Variants in ADGRL3 observed in about 807,000 individuals in gnomAD.
The protein encoded by ADGRL3 is calcium-independent alpha-latrotoxin receptor 3.
ADGRL3 carries 62 observed loss-of-function variants against 153.5 expected under a neutral mutation model. That is an observed-to-expected ratio of 0.40 (90% CI 0.33 to 0.50). The LOEUF (loss-of-function observed/expected upper bound fraction) is 0.50, where lower values mean the gene tolerates loss of function less well. Ranked by LOEUF, ADGRL3 falls within the 20% of genes least tolerant of loss-of-function variation. The pLI, the probability that ADGRL3 is intolerant of heterozygous loss-of-function variation, is 0.47. For missense variants in ADGRL3, 1,641 were observed against 1,859.4 expected, an observed-to-expected ratio of 0.88 and a Z score of 2.16; for synonymous variants, 710 against 672.5, an observed-to-expected ratio of 1.06 and a Z score of -0.86.
In ADGRL3 at chr4:61,832,495, A is replaced by G. The variant is rs544590153; in HGVS notation, c.1480+18606A>G. On this transcript the variant is annotated intron_variant, in intron 9 of 26. Coordinates refer to ENST00000683033, the MANE Select transcript of ADGRL3 (RefSeq NM_001387552.1). ...TCTTAGTCAGAAAAGGAAATTCTGC[A>G]GAAATCCCTTCCAGTGCTTCCAGAA... Among the ~76,000 whole-genome samples, 51 of 152,322 alleles carry G rather than the reference A, an allele frequency of 3.3e-4. No homozygotes were observed. The Middle Eastern group carries it at 0.014, about 41-fold the overall frequency.
chr4:62,013,685 C>T (rs1052648303), intron 21 of ADGRL3, among the ~76,000 whole-genome samples: 1 of 151,782 alleles, frequency 6.6e-6, no homozygotes, highest in African/African-American at 2.4e-5. Context: ...ATCAAGAGGT[C>T]GAGATCATTC....
intron 1 of ADGRL3, among the ~76,000 whole-genome samples, chr4:61,370,992 CT>C (rs1230298260): frequency 6.6e-6 from 1 of 151,096 alleles, no homozygotes; most frequent in Non-Finnish European, 1.5e-5. Context: ...TAATGGCCTT[CT>C]TTGTCTCTTT....
At chr4:61,639,620 A>C (rs1206297261) in intron 5 of ADGRL3, among the ~76,000 whole-genome samples, 1 of 152,128 alleles carries the variant, frequency 6.6e-6, no homozygotes, top group African/African-American at 2.4e-5. Flanking sequence ...TATTTAACTC[A>C]ATTAATACTT....
chr4:61,662,190 C>G (rs1356301459), intron 5 of ADGRL3, among the ~76,000 whole-genome samples: 1 of 152,184 alleles, frequency 6.6e-6, no homozygotes, highest in Non-Finnish European at 1.5e-5. Flanking sequence ...GCTGCGGCCT[C>G]CCAGCCATGG....
chr4:61,635,161 C>T lies in ADGRL3; in HGVS notation c.474-41665C>T, dbSNP rs377174111. The stretch of plus-strand genomic sequence containing the variant: ...GGAGAAGGGGAAGGAAAATTGAGAT[C>T]CCCCTTCCCATCATAGGTACATATG... On this transcript the variant is annotated intron_variant, in intron 5 of 26. Transcript: ENST00000683033. Among the ~76,000 whole-genome samples, 117 of 152,196 alleles carry T rather than the reference C, an allele frequency of 7.7e-4. 2 individuals are homozygous for T. Among genetic ancestry groups the T allele is most frequent in the African/African-American group, 2.8e-3 (116 of 41,530 alleles).
intron 2 of ADGRL3, among the ~76,000 whole-genome samples, chr4:61,432,262 T>C (rs1451424428): frequency 6.6e-6 from 1 of 152,228 alleles, no homozygotes; most frequent in Non-Finnish European, 1.5e-5. Flanking sequence ...AGCCTGGTTA[T>C]GACTATTCTC....
intron 1 of ADGRL3, among the ~76,000 whole-genome samples, chr4:61,326,466 A>G (rs907959012): frequency 2.0e-5 from 3 of 152,002 alleles, no homozygotes; most frequent in Non-Finnish European, 4.4e-5. Flanking sequence ...TATTACCCCT[A>G]ATAGTAGCTA....
At chr4:61,238,085 G>A (rs1342375245) in intron 1 of ADGRL3, among the ~76,000 whole-genome samples, 1 of 152,102 alleles carries the variant, frequency 6.6e-6, no homozygotes, top group Non-Finnish European at 1.5e-5. Context: ...TGTTGATTTT[G>A]CAGAAGATGT....
chr4:61,791,659 C>G (rs186824669), intron 8 of ADGRL3, among the ~76,000 whole-genome samples: 1 of 152,348 alleles, frequency 6.6e-6, no homozygotes, highest in Non-Finnish European at 1.5e-5. Flanking sequence ...TCCTTCTGCA[C>G]TGCCCTAGCA....
At chr4:61,854,427 A>G (rs2098240716) in intron 9 of ADGRL3, among the ~76,000 whole-genome samples, 2 of 152,336 alleles carry the variant, frequency 1.3e-5, no homozygotes, top group Admixed American at 1.3e-4. Context: ...TCAAAGTGAG[A>G]CAGGAGCAGT....
At chr4:61,669,288 T>A (rs2094912509) in intron 5 of ADGRL3, among the ~76,000 whole-genome samples, 1 of 152,180 alleles carries the variant, frequency 6.6e-6, no homozygotes, top group Non-Finnish European at 1.5e-5. Flanking sequence ...AGTTGTCTCA[T>A]CTTTTTTGGT....
intron 8 of ADGRL3, among the ~76,000 whole-genome samples, chr4:61,800,793 G>T (rs1363286145): frequency 6.6e-6 from 1 of 152,170 alleles, no homozygotes; most frequent in Non-Finnish European, 1.5e-5. Context: ...ATTCTGAAAA[G>T]ATTATCATGA....
chr4:61,560,949 T>C (rs994905125), intron 4 of ADGRL3, among the ~76,000 whole-genome samples: 1 of 152,084 alleles, frequency 6.6e-6, no homozygotes, highest in Non-Finnish European at 1.5e-5. Context: ...CGCTAATAAC[T>C]TGAAAAAGAT....
chr4:61,243,152 C>A (rs958835979), intron 1 of ADGRL3, among the ~76,000 whole-genome samples: 5 of 152,158 alleles, frequency 3.3e-5, no homozygotes, highest in Admixed American at 6.6e-5. Flanking sequence ...TTATATGACA[C>A]CCTCTGTGTG....
intron 2 of ADGRL3, among the ~76,000 whole-genome samples, chr4:61,470,377 C>T (rs1193225709): frequency 1.3e-5 from 2 of 151,966 alleles, no homozygotes; most frequent in African/African-American, 2.4e-5. Context: ...AACTATTTCT[C>T]TCAGCATTGG....
At chr4:61,268,544 A>C (rs1480939544) in intron 1 of ADGRL3, among the ~76,000 whole-genome samples, 1 of 151,540 alleles carries the variant, frequency 6.6e-6, no homozygotes. Context: ...AAAAATTTTC[A>C]TGTAACTTAA....
intron 9 of ADGRL3, among the ~76,000 whole-genome samples, chr4:61,839,744 G>A (rs1273990656): frequency 6.6e-6 from 1 of 151,666 alleles, no homozygotes; most frequent in Non-Finnish European, 1.5e-5. Context: ...GACCAGCATG[G>A]TCAACATAGT....
At chr4:61,674,965 A>G (rs2095136639) in intron 5 of ADGRL3, among the ~76,000 whole-genome samples, 1 of 151,992 alleles carries the variant, frequency 6.6e-6, no homozygotes, top group African/African-American at 2.4e-5. Flanking sequence ...AGCCTCTAAC[A>G]TAGAAAATCC....
chr4:61,475,730 T>C (rs1262472872), intron 2 of ADGRL3, among the ~76,000 whole-genome samples: 1 of 152,190 alleles, frequency 6.6e-6, no homozygotes, highest in African/African-American at 2.4e-5. Flanking sequence ...TAAATTTCAA[T>C]TCAAAAATAT....
Sources: gnomAD v4.1 joint callset for allele counts (sites outside exome capture counted in the v4.1 genomes callset) on GRCh38, gnomAD v4.1.1 for gene constraint, MANE v1.5 for transcripts, NCBI Gene and HGNC (gene_info 2026-07-23, HGNC 2026-07-21) for gene names.